The following SNX3 variants were observed in gnomAD, a reference collection of about 807,000 sequenced individuals.
SNX3 encodes sorting nexin 3.
Under a neutral mutation model 17.7 loss-of-function variants are expected in SNX3, and 5 were observed. That is an observed-to-expected ratio of 0.28 (90% CI 0.15 to 0.59). The LOEUF (loss-of-function observed/expected upper bound fraction) is 0.59, where lower values mean the gene tolerates loss of function less well. Among genes scored for constraint, SNX3 ranks in the 20% least tolerant of loss-of-function variants. The pLI is 0.88. For missense variants in SNX3, 132 were observed against 206.8 expected (o/e 0.64, Z 2.22); for synonymous variants, 91 against 76.5 (o/e 1.19, Z -0.99).
At chr6:108,239,179 A>G (rs1047257049) in intron 1 of SNX3, among the ~76,000 whole-genome samples, 14 of 152,190 alleles carry the variant, frequency 9.2e-5, no homozygotes, top group Admixed American at 2.6e-4. Flanking sequence ...CTGGGATTAC[A>G]GGCGTGAGCC....
At chr6:108,227,843 T>G (rs1028884381) in intron 1 of SNX3, among the ~76,000 whole-genome samples, 5 of 151,962 alleles carry the variant, frequency 3.3e-5, no homozygotes, top group African/African-American at 4.8e-5. Context: ...TGTTGTTGTT[T>G]AAGGTACTGA....
chr6:108,259,470 G>C (rs1023953233), intron 1 of SNX3, among the ~76,000 whole-genome samples: 5 of 152,154 alleles, frequency 3.3e-5, no homozygotes, highest in Non-Finnish European at 7.4e-5. Flanking sequence ...TGACCTCGGT[G>C]ATCCGCCCAG....
chr6:108,219,094 G>C (rs1392625820), intron 2 of SNX3, among the ~76,000 whole-genome samples: 2 of 152,242 alleles, frequency 1.3e-5, no homozygotes, highest in East Asian at 3.8e-4. Flanking sequence ...GCTCACGCCT[G>C]TAATCCCAGC....
intron 1 of SNX3, among the ~76,000 whole-genome samples, chr6:108,241,861 G>C (rs1426159958): frequency 6.6e-6 from 1 of 152,134 alleles, no homozygotes; most frequent in African/African-American, 2.4e-5. Context: ...ATGTCTCTGG[G>C]GTGGTTCAGC....
rs569578007 is a variant in SNX3, at chr6:108,252,981, T to C, written c.162+7779A>G. Reference sequence around the variant, plus strand: ...AAAAAAGAAAATAGCAGTTCCAAGATTTTTTTGGACACCATCTTTCTTATC... The same window carrying C: ...AAAAAAGAAAATAGCAGTTCCAAGACTTTTTTGGACACCATCTTTCTTATC... On this transcript the variant is annotated intron_variant, in intron 1 of 3. Coordinates refer to ENST00000230085, the MANE Select transcript of SNX3 (RefSeq NM_003795.6). Among the ~76,000 whole-genome samples, 13 of 152,240 alleles carry C rather than the reference T, an allele frequency of 8.5e-5. No homozygotes were observed. The South Asian group carries it at 2.1e-3, about 24-fold the overall frequency.
rs1776164523 is a variant in SNX3, at chr6:108,260,684, G to A, written c.162+76C>T. ...TGGGAGGCTGTGGCTGCCCGCGGGGGTCCACTCCCGGGTCGAGTGGGGGTG... is the reference window on the plus strand; with the variant it reads ...TGGGAGGCTGTGGCTGCCCGCGGGGATCCACTCCCGGGTCGAGTGGGGGTG... On this transcript the variant is annotated intron_variant, in intron 1 of 3. Coordinates refer to ENST00000230085, the MANE Select transcript of SNX3 (RefSeq NM_003795.6). 9.8e-6 allele frequency: 15 copies of A among 1,536,816 alleles called. 1 individual carries two copies. In the South Asian group the frequency reaches 1.5e-4, roughly 15 times the overall value.
rs59920022 is a variant in SNX3, at chr6:108,223,497, C to CTTTTTTTTTTT, written c.163-463_163-453dup. The stretch of plus-strand genomic sequence containing the variant: ...ATAACAAAATAAAACTTTGCTAGTT[C>CTTTTTTTTTTT]TTTTTTTTTTTTTTTTTTTTTTTTT... On this transcript the variant is annotated intron_variant, in intron 1 of 3. Transcript: ENST00000230085. Among the ~76,000 whole-genome samples the CTTTTTTTTTTT allele has an allele frequency of 2.4e-4, 26 of 110,362 alleles. 2 individuals are homozygous for CTTTTTTTTTTT. Among genetic ancestry groups the CTTTTTTTTTTT allele is most frequent in the African/African-American group, 1.1e-3 (26 of 23,776 alleles). The allele number at this position is 110,362 out of a possible 152,430, so 72.4% of individuals were successfully genotyped here. A position where few individuals can be genotyped will look rare whatever the true frequency, so the allele number is the denominator to read the frequency against.
intron 1 of SNX3, among the ~76,000 whole-genome samples, chr6:108,249,827 T>G (rs1271051701): frequency 5.9e-5 from 9 of 152,188 alleles, no homozygotes; most frequent in Non-Finnish European, 1.3e-4. Context: ...TATTATTTGA[T>G]GAATGTGCAG....
intron 2 of SNX3, among the ~76,000 whole-genome samples, chr6:108,217,640 C>T (rs931587553): frequency 2.0e-5 from 3 of 151,528 alleles, no homozygotes; most frequent in African/African-American, 7.3e-5. Flanking sequence ...CTTGTAACCC[C>T]TTTACTCAGG....
intron 1 of SNX3, among the ~76,000 whole-genome samples, chr6:108,247,931 C>T (rs937210864): frequency 2.6e-5 from 4 of 151,852 alleles, no homozygotes; most frequent in African/African-American, 7.2e-5. Context: ...GACCCTGTCA[C>T]TATTTATTAA....
chr6:108,222,721 T>TA (rs1182708329), intron 2 of SNX3, among the ~76,000 whole-genome samples: 4 of 152,134 alleles, frequency 2.6e-5, no homozygotes, highest in Non-Finnish European at 5.9e-5. Flanking sequence ...TAAGAAGTGT[T>TA]ATTGAAGTGT....
chr6:108,239,889 A>AT (rs1459335220), intron 1 of SNX3, among the ~76,000 whole-genome samples: 3 of 152,236 alleles, frequency 2.0e-5, no homozygotes, highest in Non-Finnish European at 4.4e-5. Context: ...TAAACACTGC[A>AT]TAAAAAGTGT....
rs549073775 is a variant in SNX3 at position 108,235,300 on chromosome 6, T to A, written c.163-12255A>T. 6.2e-4 allele frequency among the ~76,000 whole-genome samples: 94 copies of A among 152,178 alleles called. 1 individual carries two copies. The highest frequency in any genetic ancestry group is 2.2e-3 in the African/African-American group (90 of 41,480). On this transcript the variant is annotated intron_variant, in intron 1 of 3. Coordinates refer to ENST00000230085, the MANE Select transcript of SNX3 (RefSeq NM_003795.6). ...ACCTGATCTACATCTCCATCTGATATCCCAGCTGGCAGCCAGCCATATGAC... is the reference window on the plus strand; with the variant it reads ...ACCTGATCTACATCTCCATCTGATAACCCAGCTGGCAGCCAGCCATATGAC...
intron 2 of SNX3, among the ~76,000 whole-genome samples, chr6:108,222,725 G>A (rs138995840): frequency 0.018 from 2,766 of 152,194 alleles, 41 homozygotes; most frequent in Middle Eastern, 0.075. Context: ...AAGTGTTATT[G>A]AAGTGTGAGT....
At chr6:108,234,296 T>C (rs1196850610) in intron 1 of SNX3, among the ~76,000 whole-genome samples, 1 of 152,018 alleles carries the variant, frequency 6.6e-6, no homozygotes, top group East Asian at 1.9e-4. Context: ...CTCACGCCTG[T>C]AATCCCAGCA....
chr6:108,239,470 A>T (rs545774771), intron 1 of SNX3, among the ~76,000 whole-genome samples: 1 of 152,194 alleles, frequency 6.6e-6, no homozygotes, highest in African/African-American at 2.4e-5. Flanking sequence ...AAAGAAAAAG[A>T]AAGAAAATAC....
chr6:108,217,356 C>A (rs1461473821), intron 2 of SNX3, among the ~76,000 whole-genome samples: 2 of 152,014 alleles, frequency 1.3e-5, no homozygotes, highest in African/African-American at 2.4e-5. Flanking sequence ...AGGTGGTAGG[C>A]AACAGGATTA....
intron 1 of SNX3, among the ~76,000 whole-genome samples, chr6:108,250,359 T>A (rs979512655): frequency 6.6e-6 from 1 of 152,214 alleles, no homozygotes; most frequent in Non-Finnish European, 1.5e-5. Context: ...TCTGCCCTTA[T>A]AGAGTAAAAG....
In SNX3 at chr6:108,212,865, C is replaced by G. The variant is rs534600069; in HGVS notation, c.384-611G>C. On this transcript the variant is annotated intron_variant, in intron 3 of 3. Coordinates refer to ENST00000230085, the MANE Select transcript of SNX3 (RefSeq NM_003795.6). ...TTTTAATGTTAAAAGTGAAGCATGTCAATTGATCCTAAGAATCTTTTTTTT... is the reference window on the plus strand; with the variant it reads ...TTTTAATGTTAAAAGTGAAGCATGTGAATTGATCCTAAGAATCTTTTTTTT... Among the ~76,000 whole-genome samples, 98 of 145,592 alleles carry G rather than the reference C, an allele frequency of 6.7e-4. 1 individual carries two copies. The Middle Eastern group carries it at 0.029, about 42-fold the overall frequency.
Sources: allele counts gnomAD v4.1 joint callset (sites outside exome capture counted in the v4.1 genomes callset), GRCh38; gene constraint gnomAD v4.1.1; transcripts MANE v1.5; gene names NCBI Gene and HGNC (gene_info 2026-07-23, HGNC 2026-07-21).